Variants in EFR3B observed in about 807,000 individuals in gnomAD.
The protein encoded by EFR3B is protein EFR3 homolog B.
EFR3B carries 64 observed loss-of-function variants against 104.7 expected under a neutral mutation model. That is an observed-to-expected ratio of 0.61 (90% CI 0.50 to 0.75). The LOEUF (loss-of-function observed/expected upper bound fraction) is 0.75. EFR3B is among the 30% of genes least tolerant of loss of function. EFR3B has a pLI of 0.00. For synonymous variants in EFR3B, 385 were observed against 417.9 expected (o/e 0.92, Z 0.96); for missense variants, 750 against 1,078.5 (o/e 0.70, Z 4.27).
intron 1 of EFR3B, among the ~76,000 whole-genome samples, chr2:25,065,849 G>C (rs891292761): frequency 6.6e-6 from 1 of 152,054 alleles, no homozygotes; most frequent in Non-Finnish European, 1.5e-5. Context: ...GTGTGAATGG[G>C]CAGGTGCTGG....
chr2:25,109,148 C>T (rs1490265758), intron 4 of EFR3B, among the ~76,000 whole-genome samples: 1 of 150,034 alleles, frequency 6.7e-6, no homozygotes, highest in Non-Finnish European at 1.5e-5. Context: ...CCAGAATATA[C>T]AAATAATTCT....
At chr2:25,090,044 G>T (rs567301875) in intron 1 of EFR3B, among the ~76,000 whole-genome samples, 1 of 150,984 alleles carries the variant, frequency 6.6e-6, no homozygotes, top group African/African-American at 2.4e-5. Flanking sequence ...TCTTTTCTCC[G>T]CCCTATGTAA....
intron 1 of EFR3B, among the ~76,000 whole-genome samples, chr2:25,067,293 T>A (rs1055997952): frequency 3.3e-5 from 5 of 152,310 alleles, no homozygotes; most frequent in African/African-American, 1.2e-4. Flanking sequence ...TGTGTATCTT[T>A]ACAGATCTTT....
At position 25,131,572 on chromosome 2, in the gene EFR3B, C is replaced by A; in HGVS notation, c.985+69C>A. ...GGCTGCCGCCTCTTACAGAGAGAGG[C>A]AAGGGACAACAGGGAGGGGTCGGAG... On this transcript the variant is annotated intron_variant, in intron 9 of 22. Transcript: ENST00000403714. This position sits in a 1 kb window ranked among gnomAD's most constrained non-coding sequence, Gnocchi z 7.6. The A allele has an allele frequency of 1.3e-6, 2 of 1,536,334 alleles. No individual in the cohort carries two copies. Among genetic ancestry groups the A allele is most frequent in the South Asian group, 1.2e-5 (1 of 83,002 alleles).
intron 1 of EFR3B, among the ~76,000 whole-genome samples, chr2:25,088,156 TC>T (rs1282788989): frequency 6.6e-6 from 1 of 151,750 alleles, no homozygotes; most frequent in Non-Finnish European, 1.5e-5. Context: ...CTAGTGGCCT[TC>T]CAATGGCAAG....
intron 5 of EFR3B, among the ~76,000 whole-genome samples, chr2:25,125,273 C>G (rs533745728): frequency 1.6e-4 from 24 of 152,258 alleles, no homozygotes; most frequent in African/African-American, 5.5e-4. Context: ...ATAAGGGAGC[C>G]CTGGGTAGAA....
intron 1 of EFR3B, among the ~76,000 whole-genome samples, chr2:25,054,615 G>C (rs1329819084): frequency 1.3e-5 from 2 of 152,174 alleles, no homozygotes; most frequent in African/African-American, 4.8e-5. Flanking sequence ...ACCCATGCAA[G>C]TAATTTTTAT....
chr2:25,151,057 T>TAA (rs200604743), intron 20 of EFR3B, among the ~76,000 whole-genome samples: 33 of 133,588 alleles, frequency 2.5e-4, no homozygotes, highest in African/African-American at 2.7e-4. Context: ...TCATCTCTAT[T>TAA]AAAAAAAAAA....
rs1365362434 is a variant in EFR3B at position 25,042,402 on chromosome 2, C to T, written c.7+83C>T. The T allele has an allele frequency of 3.2e-5, 39 of 1,223,322 alleles. No homozygotes were observed. Among genetic ancestry groups the T allele is most frequent in the Non-Finnish European group, 4.0e-5 (39 of 981,768 alleles). 75.8% of individuals were successfully genotyped at this position (1,223,322 alleles called of 1,614,324 possible). ...CGGCGCGGACCATTGTCCCCCTGCA[C>T]GGCCCTGGCGCGGGGCCAGGCCGCT... On this transcript the variant is annotated intron_variant, in intron 1 of 22. Transcript: ENST00000403714. The surrounding 1 kb of genome is among the most constrained non-coding windows in gnomAD (Gnocchi z 5.4).
chr2:25,135,962 AG>A (rs924996495), intron 13 of EFR3B, among the ~76,000 whole-genome samples: 21 of 152,192 alleles, frequency 1.4e-4, no homozygotes, highest in African/African-American at 4.8e-4. Context: ...GCAGGTTATC[AG>A]TAGAGACTGA....
rs1208806738 is a variant in EFR3B, at chr2:25,118,724, T to TAAA, written c.364-2948_364-2947insAAA. Among the ~76,000 whole-genome samples the TAAA allele has an allele frequency of 9.0e-3, 81 of 9,010 alleles. 2 individuals carry two copies. The highest frequency in any genetic ancestry group is 0.021 in the Non-Finnish European group (68 of 3,220). The allele number at this position is 9,010 out of a possible 152,430, so 5.9% of individuals were successfully genotyped here. ...GGACAACACAATGAGACCCTGTCTC[T>TAAA]ACAAAAAAAAAAAAAAAAAAAAAAA... On this transcript the variant is annotated intron_variant, in intron 4 of 22. Transcript: ENST00000403714.
intron 4 of EFR3B, among the ~76,000 whole-genome samples, chr2:25,116,443 G>A (rs917361513): frequency 1.3e-5 from 2 of 152,080 alleles, no homozygotes; most frequent in East Asian, 1.9e-4. Flanking sequence ...GGTCAACATG[G>A]CAAAACCCCG....
intron 4 of EFR3B, among the ~76,000 whole-genome samples, chr2:25,121,121 C>T (rs543440790): frequency 1.3e-5 from 2 of 152,200 alleles, no homozygotes; most frequent in East Asian, 1.9e-4. Context: ...AGGCTGGTCT[C>T]GAACTCCTGA....
intron 1 of EFR3B, among the ~76,000 whole-genome samples, chr2:25,055,831 C>A (rs974158631): frequency 2.0e-5 from 3 of 152,154 alleles, no homozygotes; most frequent in Admixed American, 6.6e-5. Flanking sequence ...CTGGGAAAAT[C>A]TGGAGCTCTG....
rs899789414 is a variant in EFR3B, at chr2:25,154,424, C to T, written c.*84C>T. On this transcript the variant is annotated 3_prime_UTR_variant, in exon 23 of 23. Coordinates refer to ENST00000403714, the MANE Select transcript of EFR3B (RefSeq NM_014971.2). The surrounding 1 kb of genome is among the most constrained non-coding windows in gnomAD (Gnocchi z 4.1). ...CCACCCCGACCACATGGAGATCTGG[C>T]TGTGATCTCTGAGAAAACATCACCT... 49 of 1,234,030 alleles carry T rather than the reference C, an allele frequency of 4.0e-5. No individual in the cohort carries two copies. Among genetic ancestry groups the T allele is most frequent in the Non-Finnish European group, 5.6e-5 (49 of 872,518 alleles). The allele number at this position is 1,234,030 out of a possible 1,614,324, so 76.4% of individuals were successfully genotyped here.
intron 1 of EFR3B, among the ~76,000 whole-genome samples, chr2:25,087,843 G>GT (rs1327072141): frequency 1.4e-5 from 2 of 147,562 alleles, no homozygotes; most frequent in East Asian, 1.9e-4. Flanking sequence ...TGTGCCCTTG[G>GT]TTTTTTATCT....
chr2:25,100,554 G>A lies in EFR3B; in HGVS notation c.213-3083G>A, dbSNP rs576915924. Reference sequence around the variant, plus strand: ...TTTGCCCAGGCCGGAGTGCAGTGGCGCTATCTCGGCTCACTGCAAGCTCTG... The same window carrying A: ...TTTGCCCAGGCCGGAGTGCAGTGGCACTATCTCGGCTCACTGCAAGCTCTG... On this transcript the variant is annotated intron_variant, in intron 3 of 22. Coordinates refer to ENST00000403714, the MANE Select transcript of EFR3B (RefSeq NM_014971.2). 3.9e-5 allele frequency among the ~76,000 whole-genome samples: 6 copies of A among 152,112 alleles called. No homozygotes were observed. The East Asian group carries it at 7.7e-4, about 20-fold the overall frequency.
At chr2:25,044,658 G>A (rs373053079) in intron 1 of EFR3B, among the ~76,000 whole-genome samples, 1 of 152,070 alleles carries the variant, frequency 6.6e-6, no homozygotes, top group Non-Finnish European at 1.5e-5. Context: ...TTTTATTAAC[G>A]TGATGGGCAG....
chr2:25,087,215 A>C (rs2149182497), intron 1 of EFR3B, among the ~76,000 whole-genome samples: 1 of 152,202 alleles, frequency 6.6e-6, no homozygotes, highest in South Asian at 2.1e-4. Flanking sequence ...CCCATGATTA[A>C]ATTACCTCCC....
Sources: allele counts gnomAD v4.1 joint callset (sites outside exome capture counted in the v4.1 genomes callset), GRCh38; gene constraint gnomAD v4.1.1; non-coding constraint Gnocchi (gnomAD v3.1); transcripts MANE v1.5; gene names NCBI Gene and HGNC (gene_info 2026-07-23, HGNC 2026-07-21).